Variants in EEPD1 observed in about 807,000 individuals in gnomAD.
EEPD1 encodes the protein endonuclease/exonuclease/phosphatase family domain containing 1.
A neutral mutation model predicts 46.3 loss-of-function variants in EEPD1; 17 were observed. That is an observed-to-expected ratio of 0.37 (90% CI 0.25 to 0.55). The LOEUF is 0.55. Ranked by LOEUF, EEPD1 falls within the 20% of genes least tolerant of loss-of-function variation. The pLI, the probability that EEPD1 is intolerant of heterozygous loss-of-function variation, is 0.83. For missense variants in EEPD1, 673 were observed against 745.6 expected, an observed-to-expected ratio of 0.90 and a Z score of 1.13; for synonymous variants, 313 against 315.6, an observed-to-expected ratio of 0.99 and a Z score of 0.09.
Position 36,154,974 on chromosome 7 carries a change from C to T in EEPD1, c.650C>T (p.Pro217Leu), listed in dbSNP as rs34444080. 6.2e-7 allele frequency: 1 copy of T among 1,613,782 alleles called. No homozygotes were observed. Among genetic ancestry groups the T allele is most frequent in the South Asian group, 1.1e-5 (1 of 91,034 alleles). The change falls in exon 2 of 8, where the codon CCT (proline) becomes CTT (leucine). Residue 217 changes from proline (P) to leucine (L), a missense_variant. Coordinates refer to ENST00000242108, the MANE Select transcript of EEPD1 (RefSeq NM_030636.3). The surrounding 1 kb of genome is among the most constrained non-coding windows in gnomAD (Gnocchi z 4.2). ...TNGGLTFTAK[P>L]HPSPTSLSLQ... Reference sequence around the variant, plus strand: ...GGGGGACTGACCTTCACCGCCAAGCCTCACCCGAGCCCCACTTCCCTGAGC... The same window carrying T: ...GGGGGACTGACCTTCACCGCCAAGCTTCACCCGAGCCCCACTTCCCTGAGC...
At chr7:36,297,817 G>A (rs970191571) in intron 7 of EEPD1, among the ~76,000 whole-genome samples, 3 of 152,200 alleles carry the variant, frequency 2.0e-5, no homozygotes, top group Admixed American at 6.5e-5. Flanking sequence ...GTAACCTGCT[G>A]AGTCAGGACA....
intron 6 of EEPD1, among the ~76,000 whole-genome samples, chr7:36,295,936 C>G (rs951533000): frequency 7.2e-6 from 1 of 139,452 alleles, no homozygotes; most frequent in Non-Finnish European, 1.5e-5. Context: ...GAGGCTGAGG[C>G]AGGAGAATCG....
intron 2 of EEPD1, among the ~76,000 whole-genome samples, chr7:36,196,752 C>T (rs552106163): frequency 6.6e-4 from 100 of 152,262 alleles, no homozygotes; most frequent in African/African-American, 2.0e-3. Flanking sequence ...GGCGTGATCT[C>T]GGCTCGCTAC....
At chr7:36,164,289 A>G (rs953197891) in intron 2 of EEPD1, among the ~76,000 whole-genome samples, 5 of 152,186 alleles carry the variant, frequency 3.3e-5, no homozygotes, top group Non-Finnish European at 7.3e-5. Flanking sequence ...TCATGCTTCT[A>G]TTTCACCAGT....
At chr7:36,180,950 T>C (rs1785260955) in intron 2 of EEPD1, among the ~76,000 whole-genome samples, 1 of 151,688 alleles carries the variant, frequency 6.6e-6, no homozygotes, top group Non-Finnish European at 1.5e-5. Context: ...CAGGGTGACC[T>C]GGACCACCAC....
rs534792978 is a variant in EEPD1 at position 36,246,551 on chromosome 7, C to T, written c.930+7515C>T. Reference sequence around the variant, plus strand: ...GTCATCATCATCATCACTGGCATCTCGTCCTTACTTCTCTCTGGAGAAGCC... The same window carrying T: ...GTCATCATCATCATCACTGGCATCTTGTCCTTACTTCTCTCTGGAGAAGCC... On this transcript the variant is annotated intron_variant, in intron 3 of 7. Coordinates refer to ENST00000242108, the MANE Select transcript of EEPD1 (RefSeq NM_030636.3). Among the ~76,000 whole-genome samples the T allele has an allele frequency of 4.1e-4, 62 of 152,334 alleles. 1 individual carries two copies. Among genetic ancestry groups the T allele is most frequent in the African/African-American group, 1.3e-3 (53 of 41,576 alleles).
chr7:36,271,884 GTATTCTATTCTATTC>G (rs1787111136), intron 3 of EEPD1, among the ~76,000 whole-genome samples: 1 of 10,066 alleles, frequency 9.9e-5, no homozygotes, highest in Non-Finnish European at 3.1e-4. Flanking sequence ...CTATTCTATT[GTATTCTATTCTATTC>G]GAGACAGAGT....
intron 2 of EEPD1, among the ~76,000 whole-genome samples, chr7:36,209,688 T>C (rs912203975): frequency 1.4e-4 from 21 of 152,038 alleles, no homozygotes; most frequent in Non-Finnish European, 2.6e-4. Context: ...GGAGACTGCA[T>C]GTGGTTTCTG....
intron 2 of EEPD1, among the ~76,000 whole-genome samples, chr7:36,161,830 G>A (rs375102510): frequency 6.6e-6 from 1 of 150,444 alleles, no homozygotes; most frequent in East Asian, 2.0e-4. Context: ...GAAATTCAAG[G>A]TTGTGGTGAA....
At chr7:36,270,172 G>A (rs1463357103) in intron 3 of EEPD1, among the ~76,000 whole-genome samples, 3 of 152,138 alleles carry the variant, frequency 2.0e-5, no homozygotes, top group Non-Finnish European at 4.4e-5. Context: ...ACAGGAAACA[G>A]CCTAGAAGGA....
At chr7:36,281,796 C>CT (rs1183946056) in intron 4 of EEPD1, among the ~76,000 whole-genome samples, 1 of 150,226 alleles carries the variant, frequency 6.7e-6, no homozygotes, top group African/African-American at 2.4e-5. Context: ...CCTTGCAATG[C>CT]TTAACATCAA....
intron 3 of EEPD1, among the ~76,000 whole-genome samples, chr7:36,275,666 T>G (rs1482797929): frequency 6.6e-6 from 1 of 152,202 alleles, no homozygotes; most frequent in Non-Finnish European, 1.5e-5. Flanking sequence ...TTCACCATGT[T>G]GGTCAGGCTG....
chr7:36,237,824 G>T (rs928620459), intron 2 of EEPD1, among the ~76,000 whole-genome samples: 1 of 152,080 alleles, frequency 6.6e-6, no homozygotes, highest in African/African-American at 2.4e-5. Context: ...AGCAGCACAC[G>T]CCTGTAAAAC....
chr7:36,206,009 G>A (rs989505557), intron 2 of EEPD1, among the ~76,000 whole-genome samples: 1 of 152,208 alleles, frequency 6.6e-6, no homozygotes, highest in African/African-American at 2.4e-5. Flanking sequence ...CACCGGCCCT[G>A]TGTGCATTCA....
chr7:36,168,052 A>T (rs967403764), intron 2 of EEPD1, among the ~76,000 whole-genome samples: 5 of 152,072 alleles, frequency 3.3e-5, no homozygotes, highest in African/African-American at 1.2e-4. Context: ...GGGCTCCCCT[A>T]TCAGCATGTA....
intron 3 of EEPD1, among the ~76,000 whole-genome samples, chr7:36,246,761 C>T (rs1034122381): frequency 2.6e-5 from 4 of 152,086 alleles, no homozygotes; most frequent in Non-Finnish European, 5.9e-5. Context: ...GAGCAGACCT[C>T]TAAGATGTCT....
rs562432985 is a variant in EEPD1, at chr7:36,265,214, A to G, written c.931-15901A>G. 9.2e-5 allele frequency among the ~76,000 whole-genome samples: 14 copies of G among 152,354 alleles called. No homozygotes were observed. The South Asian group carries it at 2.9e-3, about 32-fold the overall frequency. On this transcript the variant is annotated intron_variant, in intron 3 of 7. Coordinates refer to ENST00000242108, the MANE Select transcript of EEPD1 (RefSeq NM_030636.3). ...TTCTGTTTAATGTGACAATTCCTGA[A>G]CAACTCTGGCTTCTTCACAGAAATA...
chr7:36,173,974 G>C (rs1184583148), intron 2 of EEPD1, among the ~76,000 whole-genome samples: 1 of 152,230 alleles, frequency 6.6e-6, no homozygotes, highest in Non-Finnish European at 1.5e-5. Flanking sequence ...CTGATGGAGA[G>C]CCAGTGGCAC....
intron 3 of EEPD1, among the ~76,000 whole-genome samples, chr7:36,253,867 G>T (rs196551): frequency 0.86 from 131,119 of 152,156 alleles, 56,653 homozygotes; most frequent in Middle Eastern, 0.91. Context: ...TTGGACCTTG[G>T]TTTTAATCCA....
Sources: gnomAD v4.1 joint callset for allele counts (sites outside exome capture counted in the v4.1 genomes callset) on GRCh38, gnomAD v4.1.1 for gene constraint, Gnocchi (gnomAD v3.1) non-coding constraint, MANE v1.5 for transcripts, NCBI Gene and HGNC (gene_info 2026-07-23, HGNC 2026-07-21) for gene names.